AOC1: variants seen among roughly 807,000 people sequenced by gnomAD.
The protein encoded by AOC1 is diamine oxidase [copper-containing].
Under a neutral mutation model 57.1 loss-of-function variants are expected in AOC1, and 58 were observed. The observed-to-expected ratio is 1.02, with a 90% CI of 0.82 to 1.26. The LOEUF (loss-of-function observed/expected upper bound fraction) is 1.26, where lower values mean the gene tolerates loss of function less well. Ranked by LOEUF, AOC1 falls within the 50% of genes most tolerant of loss-of-function variation. AOC1 has a pLI of 0.00. For missense variants in AOC1, 917 were observed against 1,005.3 expected, an observed-to-expected ratio of 0.91 and a Z score of 1.19; for synonymous variants, 401 against 423.4, an observed-to-expected ratio of 0.95 and a Z score of 0.65.
intron 3 of AOC1, 83 bp from the exon 4 acceptor site, chr7:150,860,418 T>C: frequency 6.2e-7 from 1 of 1,604,336 alleles, no homozygotes; most frequent in South Asian, 1.1e-5. Flanking sequence ...TCCTCTATTC[T>C]GACCCTGAGG....
rs979881578 is a variant in AOC1, at chr7:150,859,109, T to C, written c.1856+61T>C. On this transcript the variant is annotated intron_variant, in intron 3 of 4. Transcript: ENST00000360937. ...TGGCTTCCCTCAGTGTGTGTGTCTG[T>C]GTCTGTCTGTGTTTGTGTCTATGGG... is the stretch of plus-strand genomic sequence containing the variant. 15 of 1,451,662 alleles carry C rather than the reference T, an allele frequency of 1.0e-5. No homozygotes were observed. In the African/African-American group the frequency reaches 1.7e-4, roughly 16 times the overall value. The allele number at this position is 1,451,662 out of a possible 1,614,324, so 89.9% of individuals were successfully genotyped here. A position where few individuals can be genotyped will look rare whatever the true frequency, so the allele number is the denominator to read the frequency against.
chr7:150,855,398 T>C (rs1413375928), intron 1 of AOC1, among the ~76,000 whole-genome samples: 1 of 152,020 alleles, frequency 6.6e-6, no homozygotes, highest in African/African-American at 2.4e-5. Context: ...ACACAGCACA[T>C]GGGAAGACAG....
chr7:150,857,737 A>G lies in AOC1; in HGVS notation c.1267A>G (p.Thr423Ala). Reference sequence around the variant, plus strand: ...AGCCCTCTGCCTCTTTGAAATGCCCACAGGGGTGCCCCTTCGGCGGCACTT... The same window carrying G: ...AGCCCTCTGCCTCTTTGAAATGCCCGCAGGGGTGCCCCTTCGGCGGCACTT... ...PRALCLFEMPTGVPLRRHFNS... is the reference protein window; with the variant it reads ...PRALCLFEMPAGVPLRRHFNS... Residue 423 changes from threonine (T) to alanine (A), a missense_variant, in exon 2 of 5, where the codon ACA (threonine) becomes GCA (alanine). Transcript: ENST00000360937. The surrounding 1 kb of genome is among the most constrained non-coding windows in gnomAD (Gnocchi z 6.6). The G allele has an allele frequency of 1.2e-6, 2 of 1,614,144 alleles. No homozygotes were observed. The highest frequency in any genetic ancestry group is 1.7e-6 in the Non-Finnish European group (2 of 1,179,974).
At chr7:150,858,719 C>G in intron 2 of AOC1, 44 bp from the exon 3 acceptor site, 1 of 1,550,072 alleles carries the variant, frequency 6.5e-7, no homozygotes, top group South Asian at 1.2e-5. Context: ...GGTTTCAGTT[C>G]TGGCAGCTTG....
At chr7:150,854,063 G>C (rs1799703363) in intron 1 of AOC1, 1 of 152,054 alleles carries the variant, frequency 6.6e-6, no homozygotes, top group Admixed American at 6.6e-5. Flanking sequence ...AAAAAAAGAG[G>C]CCTGGCCAAT....
intron 4 of AOC1, 26 bp downstream of exon 4, chr7:150,860,659 C>T (rs367857181): frequency 4.3e-6 from 7 of 1,609,664 alleles, no homozygotes; most frequent in African/African-American, 4.0e-5. Context: ...CAGCCCTGCC[C>T]GGTGCTGGCC....
rs757491764 is a variant in AOC1, at chr7:150,857,366, GC to G, written c.901del (p.Arg301AlafsTer37). 9 of 1,607,576 alleles carry G rather than the reference GC, an allele frequency of 5.6e-6. No individual in the cohort carries two copies. The highest frequency in any genetic ancestry group is 1.7e-4 in the Middle Eastern group (1 of 6,052). On this transcript the variant is annotated frameshift_variant, in exon 2 of 5. Coordinates refer to ENST00000360937, the MANE Select transcript of AOC1 (RefSeq NM_001091.4). LOFTEE classifies it high-confidence loss of function. This position sits in a 1 kb window ranked among gnomAD's most constrained non-coding sequence, Gnocchi z 6.6. ...GDFPSPIHVS[G>X]PRLVQPHGPR... ...TTCCCCAGCCCCATCCATGTGAGCG[GC>G]CCCCGCTTGGTCCAGCCCCACGGCC...
In AOC1 at chr7:150,856,466, G is replaced by A. The variant is rs549275999; in HGVS notation, c.-5G>A. The A allele has an allele frequency of 1.5e-5, 24 of 1,610,122 alleles. 1 individual carries two copies. The highest frequency in any genetic ancestry group is 4.5e-5 in the East Asian group (2 of 44,836). ...CTATTGCATTCCAGAGCCGTGGAGC[G>A]AGAGATGCCGGCCCTGGGCTGGGCC... On this transcript the variant is annotated 5_prime_UTR_variant, in exon 2 of 5. Coordinates refer to ENST00000360937, the MANE Select transcript of AOC1 (RefSeq NM_001091.4). The surrounding 1 kb of genome is among the most constrained non-coding windows in gnomAD (Gnocchi z 5.2).
Position 150,856,318 on chromosome 7 carries a change from GC to G in AOC1, c.-16-133del. The G allele has an allele frequency of 8.6e-7, 1 of 1,161,512 alleles. No individual in the cohort carries two copies. The highest frequency in any genetic ancestry group is 1.6e-5 in the African/African-American group (1 of 64,328). 72.0% of individuals were successfully genotyped at this position (1,161,512 alleles called of 1,614,324 possible). ...GGGGACTATGCATGGGGCCCCAGCT[GC>G]CCCAGGACAGCCTCCAGCTTGGGGC... On this transcript the variant is annotated intron_variant, in intron 1 of 4. Coordinates refer to ENST00000360937, the MANE Select transcript of AOC1 (RefSeq NM_001091.4). The surrounding 1 kb of genome is among the most constrained non-coding windows in gnomAD (Gnocchi z 5.2).
rs578019536 is a variant in AOC1, at chr7:150,856,030, T to G, written c.-16-425T>G. Among the ~76,000 whole-genome samples the G allele has an allele frequency of 1.3e-5, 2 of 152,294 alleles. No individual in the cohort carries two copies. The highest frequency in any genetic ancestry group is 4.1e-4 in the South Asian group (2 of 4,830). On this transcript the variant is annotated intron_variant, in intron 1 of 4. Coordinates refer to ENST00000360937, the MANE Select transcript of AOC1 (RefSeq NM_001091.4). The surrounding 1 kb of genome is among the most constrained non-coding windows in gnomAD (Gnocchi z 5.2). ...CACTAAATTTCAAAATCTGTCTACC[T>G]AAAAGGTATTTCGTTGTGTCAGAAA...
chr7:150,861,352 A>C lies in AOC1; in HGVS notation c.*143A>C. On this transcript the variant is annotated 3_prime_UTR_variant, in exon 5 of 5. Coordinates refer to ENST00000360937, the MANE Select transcript of AOC1 (RefSeq NM_001091.4). The surrounding 1 kb of genome is among the most constrained non-coding windows in gnomAD (Gnocchi z 4.5). Reference sequence around the variant, plus strand: ...ATGTGTGTAGGAAACACACGAACAGACGTGCACACACACAGACGTGCACAC... The same window carrying C: ...ATGTGTGTAGGAAACACACGAACAGCCGTGCACACACACAGACGTGCACAC... 1.1e-6 allele frequency: 1 copy of C among 900,238 alleles called. No individual in the cohort carries two copies. Among genetic ancestry groups the C allele is most frequent in the Non-Finnish European group, 1.6e-6 (1 of 635,514 alleles). 55.8% of individuals were successfully genotyped at this position (900,238 alleles called of 1,614,324 possible). A position where few individuals can be genotyped will look rare whatever the true frequency, so the allele number is the denominator to read the frequency against.
chr7:150,859,543 AAC>A (rs1799903093), intron 3 of AOC1, among the ~76,000 whole-genome samples: 1 of 151,846 alleles, frequency 6.6e-6, no homozygotes, highest in South Asian at 2.1e-4. Context: ...CTCTACTAAA[AAC>A]ACAAAAAATT....
At chr7:150,859,519 C>T (rs888280423) in intron 3 of AOC1, among the ~76,000 whole-genome samples, 2 of 151,416 alleles carry the variant, frequency 1.3e-5, no homozygotes, top group East Asian at 2.0e-4. Flanking sequence ...CTGGCTAACA[C>T]GGTGAAACCT....
chr7:150,858,927 T>C lies in AOC1; in HGVS notation c.1735T>C (p.Phe579Leu). Residue 579 changes from phenylalanine to leucine, a missense_variant, in exon 3 of 5, where the codon TTT becomes CTT. Phe to Leu is a conservative substitution (Grantham distance 22). Coordinates refer to ENST00000360937, the MANE Select transcript of AOC1 (RefSeq NM_001091.4). ...AAGGAAGCTGCCTAAGTACCTGCTC[T>C]TTACCAGCCCCCAGGAGAACCCCTG... ...FKRKLPKYLL[F>L]TSPQENPWGH... is the part of the protein sequence containing the mutation. 1 of 1,612,512 alleles carries C rather than the reference T, an allele frequency of 6.2e-7. No homozygotes were observed. The highest frequency in any genetic ancestry group is 8.5e-7 in the Non-Finnish European group (1 of 1,179,226).
chr7:150,858,489 CCT>C (rs1384912668), intron 2 of AOC1, among the ~76,000 whole-genome samples: 3 of 152,280 alleles, frequency 2.0e-5, no homozygotes, highest in Admixed American at 6.5e-5. Context: ...GCCCCAGTCA[CCT>C]CTCTGGACAG....
intron 1 of AOC1, among the ~76,000 whole-genome samples, chr7:150,855,463 G>T (rs76756867): frequency 3.7e-4 from 56 of 152,310 alleles, no homozygotes; most frequent in Middle Eastern, 3.4e-3. Context: ...TACAAGCACA[G>T]GATTTTACAG....
Position 150,857,835 on chromosome 7 carries a change from T to C in AOC1, c.1365T>C (p.Thr455=). 1.2e-6 allele frequency: 2 copies of C among 1,614,122 alleles called. No individual in the cohort carries two copies. The highest frequency in any genetic ancestry group is 1.7e-6 in the Non-Finnish European group (2 of 1,179,942). Residue 455 remains threonine, a synonymous_variant, in exon 2 of 5, where the codon ACT becomes ACC. Coordinates refer to ENST00000360937, the MANE Select transcript of AOC1 (RefSeq NM_001091.4). The surrounding 1 kb of genome is among the most constrained non-coding windows in gnomAD (Gnocchi z 6.6). ...GCCAGGTGCTGGTGCTGCGGACAACTTCAACTGTCTACAATTATGATTACA... is the reference window on the plus strand; with the variant it reads ...GCCAGGTGCTGGTGCTGCGGACAACCTCAACTGTCTACAATTATGATTACA... ...LKGQVLVLRT[T]STVYNYDYIW...
At chr7:150,860,459 G>A in intron 3 of AOC1, 42 bp from the exon 4 acceptor site, 1 of 1,612,596 alleles carries the variant, frequency 6.2e-7, no homozygotes, top group Non-Finnish European at 8.5e-7. Flanking sequence ...AGGGGGGCCA[G>A]CCCAGGGCCC....
intron 1 of AOC1, among the ~76,000 whole-genome samples, chr7:150,854,568 G>A (rs1799718327): frequency 6.6e-6 from 1 of 152,190 alleles, no homozygotes; most frequent in Non-Finnish European, 1.5e-5. Context: ...CAAAGGATGT[G>A]ACACTGGCCC....
Sources: allele counts gnomAD v4.1 joint callset (sites outside exome capture counted in the v4.1 genomes callset), GRCh38; gene constraint gnomAD v4.1.1; non-coding constraint Gnocchi (gnomAD v3.1); transcripts MANE v1.5; gene names NCBI Gene and HGNC (gene_info 2026-07-23, HGNC 2026-07-21).